The following TAFA4 variants were observed in gnomAD, a reference collection of about 807,000 sequenced individuals.
TAFA4 encodes the protein chemokine-like protein TAFA-4.
Under a neutral mutation model 21.1 loss-of-function variants are expected in TAFA4, and 20 were observed. The observed-to-expected ratio is 0.95, with a 90% confidence interval of 0.67 to 1.38. TAFA4 has a LOEUF of 1.38. Ranked by LOEUF, TAFA4 falls within the 40% of genes most tolerant of loss-of-function variation. TAFA4 has a pLI of 0.00. For missense variants in TAFA4, 211 were observed against 180.9 expected, an observed-to-expected ratio of 1.17 and a Z score of -0.95; for synonymous variants, 71 against 67.4, an observed-to-expected ratio of 1.05 and a Z score of -0.26.
intron 1 of TAFA4, among the ~76,000 whole-genome samples, chr3:68,887,335 C>T (rs1316718577): frequency 1.3e-5 from 2 of 152,194 alleles, no homozygotes; most frequent in African/African-American, 4.8e-5. Flanking sequence ...ATGCCACGGG[C>T]AGCCCTGCCC....
intron 2 of TAFA4, among the ~76,000 whole-genome samples, chr3:68,881,608 T>C (rs906947014): frequency 2.0e-5 from 3 of 152,254 alleles, no homozygotes; most frequent in Non-Finnish European, 4.4e-5. Flanking sequence ...TTTTTTTATA[T>C]TAACTTTTGA....
intron 3 of TAFA4, among the ~76,000 whole-genome samples, chr3:68,799,580 G>A (rs1415859415): frequency 6.6e-6 from 1 of 152,172 alleles, no homozygotes. Flanking sequence ...GCTATCCCTG[G>A]TTAGCCACGT....
chr3:68,892,089 C>T (rs755697610), intron 1 of TAFA4, among the ~76,000 whole-genome samples: 23 of 152,170 alleles, frequency 1.5e-4, no homozygotes, highest in Non-Finnish European at 2.9e-4. Flanking sequence ...ACCTGATACA[C>T]GGCAGAACCT....
intron 3 of TAFA4, among the ~76,000 whole-genome samples, chr3:68,780,826 G>A (rs1703140467): frequency 6.6e-6 from 1 of 151,650 alleles, no homozygotes; most frequent in Non-Finnish European, 1.5e-5. Flanking sequence ...GAAAAAGTAT[G>A]CCCAAAAGCA....
intron 3 of TAFA4, among the ~76,000 whole-genome samples, chr3:68,757,510 C>T (rs982765221): frequency 6.6e-6 from 1 of 152,230 alleles, no homozygotes; most frequent in South Asian, 2.1e-4. Context: ...CAGCTTTAAA[C>T]CCCACTAAGA....
At chr3:68,848,624 A>G (rs1704867973) in intron 3 of TAFA4, among the ~76,000 whole-genome samples, 1 of 152,186 alleles carries the variant, frequency 6.6e-6, no homozygotes, top group Admixed American at 6.5e-5. Context: ...AGCATATTTA[A>G]TATCATTACT....
At chr3:68,915,469 C>A (rs1386670936) in intron 1 of TAFA4, among the ~76,000 whole-genome samples, 4 of 152,166 alleles carry the variant, frequency 2.6e-5, no homozygotes, top group Non-Finnish European at 5.9e-5. Context: ...ATTACTGCAT[C>A]TTTAAAGTAG....
intron 1 of TAFA4, among the ~76,000 whole-genome samples, chr3:68,891,880 AC>A: frequency 6.6e-6 from 1 of 152,312 alleles, no homozygotes. Flanking sequence ...TGCTTAAATA[AC>A]ACAATCACAT....
chr3:68,813,846 T>C (rs1056271972), intron 3 of TAFA4, among the ~76,000 whole-genome samples: 3 of 152,136 alleles, frequency 2.0e-5, no homozygotes, highest in South Asian at 2.1e-4. Context: ...TACCAAAGCC[T>C]GGCAGAGACA....
chr3:68,886,173 C>A (rs1229400093), intron 1 of TAFA4, among the ~76,000 whole-genome samples: 1 of 152,144 alleles, frequency 6.6e-6, no homozygotes, highest in Non-Finnish European at 1.5e-5. Flanking sequence ...AAGAATCCAC[C>A]ACCAAGCACA....
chr3:68,875,422 T>C (rs1488688218), intron 3 of TAFA4, among the ~76,000 whole-genome samples: 1 of 152,166 alleles, frequency 6.6e-6, no homozygotes, highest in East Asian at 1.9e-4. Context: ...GTAACCACTA[T>C]CTTATGGATG....
At chr3:68,799,110 C>T (rs1239926708) in intron 3 of TAFA4, among the ~76,000 whole-genome samples, 2 of 152,104 alleles carry the variant, frequency 1.3e-5, no homozygotes, top group East Asian at 1.9e-4. Flanking sequence ...TAATGTCCCC[C>T]CTCCCTCAAG....
intron 1 of TAFA4, among the ~76,000 whole-genome samples, chr3:68,908,361 C>T (rs1305441837): frequency 6.6e-6 from 1 of 152,092 alleles, no homozygotes; most frequent in Non-Finnish European, 1.5e-5. Context: ...TTAAATCAGC[C>T]CTAATCTCTA....
intron 3 of TAFA4, among the ~76,000 whole-genome samples, chr3:68,803,070 A>G (rs1412611530): frequency 6.6e-6 from 1 of 152,122 alleles, no homozygotes; most frequent in Non-Finnish European, 1.5e-5. Flanking sequence ...GCCATCCAAA[A>G]TGATCTCTAC....
At chr3:68,805,219 G>A (rs1316286227) in intron 3 of TAFA4, among the ~76,000 whole-genome samples, 1 of 152,144 alleles carries the variant, frequency 6.6e-6, no homozygotes, top group Non-Finnish European at 1.5e-5. Flanking sequence ...ATCATCACTG[G>A]CCATCAGAGA....
At chr3:68,756,760 G>T (rs1386797988) in intron 3 of TAFA4, among the ~76,000 whole-genome samples, 1 of 152,182 alleles carries the variant, frequency 6.6e-6, no homozygotes, top group Admixed American at 6.5e-5. Flanking sequence ...ATGGAGAAGT[G>T]ATTTAAATGA....
rs1163439201 is a variant in TAFA4 at position 68,783,673 on chromosome 3, CAGAGAGAG to C, written c.131-30663_131-30656del. Among the ~76,000 whole-genome samples, 117 of 86,188 alleles carry C rather than the reference CAGAGAGAG, an allele frequency of 1.4e-3. 2 individuals carry two copies. In the South Asian group the frequency reaches 0.034, roughly 25 times the overall value. The allele number at this position is 86,188 out of a possible 152,430, so 56.5% of individuals were successfully genotyped here. On this transcript the variant is annotated intron_variant, in intron 3 of 5. Coordinates refer to ENST00000295569, the MANE Select transcript of TAFA4 (RefSeq NM_182522.5). The stretch of plus-strand genomic sequence containing the variant: ...AAGAAAAATCACAGACACACACACA[CAGAGAGAG>C]AGAGAGAGAGAGAGAGAGAGAGAGA...
intron 3 of TAFA4, among the ~76,000 whole-genome samples, chr3:68,862,736 C>A (rs1022580585): frequency 4.6e-5 from 7 of 151,938 alleles, no homozygotes; most frequent in African/African-American, 1.7e-4. Flanking sequence ...GGGCTGGTAC[C>A]GTCTGAGATG....
At chr3:68,772,905 G>C (rs1244237918) in intron 3 of TAFA4, among the ~76,000 whole-genome samples, 10 of 152,042 alleles carry the variant, frequency 6.6e-5, no homozygotes, top group African/African-American at 2.2e-4. Flanking sequence ...TGTCTCTCTG[G>C]AGAACTCTGA....
Sources: allele counts gnomAD v4.1 joint callset (sites outside exome capture counted in the v4.1 genomes callset), GRCh38; gene constraint gnomAD v4.1.1; transcripts MANE v1.5; gene names NCBI Gene and HGNC (gene_info 2026-07-23, HGNC 2026-07-21).